Variants in TNS1 observed in about 807,000 individuals in gnomAD.
TNS1 encodes tensin 1, also known as tensin-1.
In TNS1, 62 loss-of-function variants were observed where a neutral mutation model predicts 168.6. The observed-to-expected ratio is 0.37, with a 90% confidence interval of 0.30 to 0.45. TNS1 has a LOEUF of 0.45. TNS1 is among the 20% of genes least tolerant of loss of function. TNS1 has a pLI of 1.00. For missense variants in TNS1, 2,240 were observed against 2,339.4 expected (o/e 0.96, Z 0.88); for synonymous variants, 934 against 933.2 (o/e 1.00, Z -0.02).
intron 3 of TNS1, among the ~76,000 whole-genome samples, chr2:217,949,876 G>A (rs1325138406): frequency 6.6e-6 from 1 of 152,124 alleles, no homozygotes; most frequent in Non-Finnish European, 1.5e-5. Flanking sequence ...CAAAACAAGG[G>A]TTCCAAAGCC....
intron 3 of TNS1, among the ~76,000 whole-genome samples, chr2:217,925,211 T>C (rs1051846195): frequency 3.3e-5 from 5 of 151,844 alleles, no homozygotes; most frequent in Admixed American, 6.5e-5. Context: ...AAAATGTAAA[T>C]AAATCTTTTT....
At chr2:217,910,848 G>C (rs1954322758) in intron 4 of TNS1, among the ~76,000 whole-genome samples, 1 of 151,970 alleles carries the variant, frequency 6.6e-6, no homozygotes, top group South Asian at 2.1e-4. Context: ...TTCACACATG[G>C]GGAAATTGAG....
At chr2:217,929,483 C>A (rs1192867304) in intron 3 of TNS1, among the ~76,000 whole-genome samples, 1 of 152,120 alleles carries the variant, frequency 6.6e-6, no homozygotes, top group East Asian at 1.9e-4. Flanking sequence ...GTGAGAGGGT[C>A]CCCGCAATAG....
At chr2:217,805,513 A>ACCCCACACAC (rs1559132037) in intron 32 of TNS1, among the ~76,000 whole-genome samples, 2 of 27,528 alleles carry the variant, frequency 7.3e-5, no homozygotes, top group African/African-American at 1.8e-4. Flanking sequence ...ACCACCACAC[A>ACCCCACACAC]CACCACACAC....
upstream of TNS1, among the ~76,000 whole-genome samples, chr2:218,012,483 G>A (rs889975206): frequency 1.3e-5 from 2 of 152,140 alleles, no homozygotes; most frequent in Non-Finnish European, 2.9e-5. Flanking sequence ...GAGCTCAGCA[G>A]GGCAGAGTCC....
intron 3 of TNS1, among the ~76,000 whole-genome samples, chr2:217,975,669 C>A (rs62182223): frequency 6.6e-6 from 1 of 152,200 alleles, no homozygotes; most frequent in Admixed American, 6.5e-5. Flanking sequence ...TAAGTGAAAC[C>A]ATGTGCACCC....
chr2:218,006,672 G>T (rs1958659777), upstream of TNS1, among the ~76,000 whole-genome samples: 1 of 152,184 alleles, frequency 6.6e-6, no homozygotes, highest in Non-Finnish European at 1.5e-5. Flanking sequence ...CCAGCTGAGG[G>T]GGATGCCCAC....
chr2:217,813,265 G>A lies in TNS1; in HGVS notation c.4904C>T (p.Thr1635Ile), dbSNP rs1262046447. 6.2e-7 allele frequency: 1 copy of A among 1,601,216 alleles called. No homozygotes were observed. The highest frequency in any genetic ancestry group is 1.3e-5 in the African/African-American group (1 of 74,798). ...CTTGAGCTTGACTCCTCTGGGGCCAGTCTCTATCAGAAAATGCCTGACCAG... is the reference window on the plus strand; with the variant it reads ...CTTGAGCTTGACTCCTCTGGGGCCAATCTCTATCAGAAAATGCCTGACCAG... ...HELVRHFLIETGPRGVKLKGC... is the reference protein window; with the variant it reads ...HELVRHFLIEIGPRGVKLKGC... Residue 1635 changes from threonine to isoleucine, a missense_variant, in exon 27 of 33, where the codon ACT (threonine) becomes ATT (isoleucine). Transcript: ENST00000682258. This position sits in a 1 kb window ranked among gnomAD's most constrained non-coding sequence, Gnocchi z 4.0.
intron 4 of TNS1, among the ~76,000 whole-genome samples, chr2:217,912,248 A>G (rs935641586): frequency 6.6e-6 from 1 of 152,138 alleles, no homozygotes; most frequent in African/African-American, 2.4e-5. Context: ...GCTGTTTTAG[A>G]GGAAGGAAAC....
chr2:217,907,942 C>A (rs1478582969), intron 4 of TNS1, among the ~76,000 whole-genome samples: 4 of 152,198 alleles, frequency 2.6e-5, no homozygotes, highest in African/African-American at 7.2e-5. Flanking sequence ...CTCCAGTTAG[C>A]CCTCCCTGGC....
chr2:217,848,304 G>A lies in TNS1; in HGVS notation c.2213C>T (p.Pro738Leu), dbSNP rs748553264. The change falls in exon 19 of 33, where the codon CCC becomes CTC. Residue 738 changes from proline to leucine, a missense_variant. Pro to Leu is a moderately conservative substitution (Grantham distance 98). This residue lies in a region of TNS1 where 2,131 missense variants were observed against 2,171.2 expected (regional missense o/e 0.98). Transcript: ENST00000682258. ...PVTTSHYAHD[P>L]SGMFRSQSFS... The stretch of plus-strand genomic sequence containing the variant: ...GGATTGAGAGCGGAACATACCGCTG[G>A]GGTCATGGGCATAGTGGGAGGTGGT... 1 of 1,540,730 alleles carries A rather than the reference G, an allele frequency of 6.5e-7. No homozygotes were observed. The highest frequency in any genetic ancestry group is 8.8e-7 in the Non-Finnish European group (1 of 1,142,566).
intron 19 of TNS1, among the ~76,000 whole-genome samples, chr2:217,844,810 C>T (rs1033458916): frequency 2.0e-5 from 3 of 152,202 alleles, no homozygotes; most frequent in Non-Finnish European, 4.4e-5. Flanking sequence ...GAAATCTCCA[C>T]CTCTAGAGAC....
chr2:217,971,614 G>A (rs192283135), intron 3 of TNS1, among the ~76,000 whole-genome samples: 34 of 152,338 alleles, frequency 2.2e-4, no homozygotes, highest in African/African-American at 7.7e-4. Flanking sequence ...GGGTCATACA[G>A]CAAGTGTATG....
chr2:217,897,352 A>G (rs1952421263), intron 8 of TNS1, among the ~76,000 whole-genome samples: 2 of 152,228 alleles, frequency 1.3e-5, no homozygotes, highest in African/African-American at 4.8e-5. Flanking sequence ...TCTCAGAGGC[A>G]CCGACCCTGT....
chr2:217,905,323 A>T, intron 6 of TNS1: 1 of 424,546 alleles, frequency 2.4e-6, no homozygotes. Flanking sequence ...CCACTAATTT[A>T]AGAGGCATGC....
At chr2:217,992,765 G>A (rs1958400407) in intron 1 of TNS1, 1 of 152,250 alleles carries the variant, frequency 6.6e-6, no homozygotes, top group Non-Finnish European at 1.5e-5. Flanking sequence ...CAGACAGAGA[G>A]AATGAGAGAG....
chr2:217,807,016 G>A (rs893958151), intron 32 of TNS1, among the ~76,000 whole-genome samples: 1 of 152,214 alleles, frequency 6.6e-6, no homozygotes, highest in African/African-American at 2.4e-5. Context: ...AGGTGCTGAT[G>A]TGTTCTCCTG....
intron 3 of TNS1, among the ~76,000 whole-genome samples, chr2:217,977,863 G>A (rs1486311869): frequency 1.3e-5 from 2 of 152,172 alleles, no homozygotes; most frequent in Non-Finnish European, 2.9e-5. Context: ...AAGAGCAAAC[G>A]TAGGGAGTGA....
Position 217,900,485 on chromosome 2 carries a change from G to A in TNS1, c.349C>T (p.Gln117Ter), listed in dbSNP as rs1486866635. 6.5e-7 allele frequency: 1 copy of A among 1,535,366 alleles called. No individual in the cohort carries two copies. The highest frequency in any genetic ancestry group is 1.2e-5 in the South Asian group (1 of 83,998). Residue 117 changes from glutamine (Q) to a stop codon, truncating the protein, a stop_gained, in exon 7 of 33, where the codon CAG becomes TAG. Coordinates refer to ENST00000682258, the MANE Select transcript of TNS1 (RefSeq NM_001387777.1). LOFTEE classifies it high-confidence loss of function. ...NGSTRVTPSV[Q>*]PHLQPIRNMS... is the part of the protein sequence containing the mutation. ...TACCTGATGGGCTGGAGGTGGGGCT[G>A]GACACTCGGGGTGACCCTGGTGGAG...
Sources: allele counts gnomAD v4.1 joint callset (sites outside exome capture counted in the v4.1 genomes callset), GRCh38; gene constraint gnomAD v4.1.1; regional missense constraint gnomAD v4.1.1; non-coding constraint Gnocchi (gnomAD v3.1); transcripts MANE v1.5; gene names NCBI Gene and HGNC (gene_info 2026-07-23, HGNC 2026-07-21).